The following CDX2 variants were observed in gnomAD, a reference collection of about 807,000 sequenced individuals.
CDX2 encodes the protein caudal type homeobox 2, also known as homeobox protein CDX-2.
CDX2 carries 7 observed loss-of-function variants against 25.5 expected under a neutral mutation model. That is an observed-to-expected ratio of 0.27 (90% CI 0.16 to 0.52). CDX2 has a LOEUF of 0.52. Ranked by LOEUF, CDX2 falls within the 20% of genes least tolerant of loss-of-function variation. The probability of loss-of-function intolerance (pLI) is 0.97; values close to 1 mark genes in which losing one functional copy is unlikely to be tolerated. For missense variants in CDX2, 375 were observed against 431.4 expected, an observed-to-expected ratio of 0.87 and a Z score of 1.16; for synonymous variants, 222 against 198.6, an observed-to-expected ratio of 1.12 and a Z score of -0.99.
At chr13:27,968,400 G>C in intron 1 of CDX2, 66 bp downstream of exon 1, 1 of 1,395,658 alleles carries the variant, frequency 7.2e-7, no homozygotes, top group Non-Finnish European at 9.2e-7. Flanking sequence ...CGCGCGACGC[G>C]CAGCAGCCAC....
chr13:27,965,184 G>GA (rs1449447505), intron 1 of CDX2, among the ~76,000 whole-genome samples, 169 bp from the exon 2 acceptor site: 5 of 152,138 alleles, frequency 3.3e-5, no homozygotes, highest in African/African-American at 1.2e-4. Context: ...GGGTCCTGTG[G>GA]GGGGAGGGTA....
At chr13:27,966,858 G>C (rs1456492888) in intron 1 of CDX2, among the ~76,000 whole-genome samples, 1 of 152,130 alleles carries the variant, frequency 6.6e-6, no homozygotes, top group Admixed American at 6.5e-5. Flanking sequence ...GCCAGGCCGC[G>C]TCCCCCCCTC....
At chr13:27,967,305 G>C (rs758052134) in intron 1 of CDX2, 3 of 516,110 alleles carry the variant, frequency 5.8e-6, no homozygotes, top group South Asian at 4.6e-5. Flanking sequence ...TTCCCACCAG[G>C]ACTCTCCCTA....
Position 27,968,759 on chromosome 13 carries a change from C to T in CDX2, c.248G>A (p.Gly83Glu), listed in dbSNP as rs1869481410. 1.3e-6 allele frequency: 2 copies of T among 1,503,812 alleles called. No individual in the cohort carries two copies. The highest frequency in any genetic ancestry group is 1.8e-6 in the Non-Finnish European group (2 of 1,133,632). 93.2% of individuals were successfully genotyped at this position (1,503,812 alleles called of 1,614,324 possible). Reference protein sequence around the residue: ...LREDWNGYAPGGAAAAANAVA... With the variant: ...LREDWNGYAPEGAAAAANAVA... ...GGCGTTGGCGGCGGCCGCGGCGCCT[C>T]CGGGCGCGTAGCCATTCCAGTCCTC... The change falls in exon 1 of 3, where the codon GGA (glycine) becomes GAA (glutamate). Residue 83 changes from glycine to glutamate, a missense_variant. By Grantham distance (98) the Gly-to-Glu change is moderately conservative. Transcript: ENST00000381020.
chr13:27,967,700 G>T lies in CDX2; in HGVS notation c.541+766C>A, dbSNP rs913481894. On this transcript the variant is annotated intron_variant, in intron 1 of 2. Transcript: ENST00000381020. ...TTGGGAGAAATGACCCCTACCTGGA[G>T]CGGCGGCTTAATTCCCACCAGGGTT... Among the ~76,000 whole-genome samples the T allele has an allele frequency of 2.0e-5, 3 of 152,292 alleles. No homozygotes were observed. In the East Asian group the frequency reaches 5.8e-4, roughly 29 times the overall value.
Position 27,968,678 on chromosome 13 carries a change from G to T in CDX2, c.329C>A (p.Pro110His). 6.5e-7 allele frequency: 1 copy of T among 1,534,056 alleles called. No individual in the cohort carries two copies. The highest frequency in any genetic ancestry group is 8.7e-7 in the Non-Finnish European group (1 of 1,144,866). The change falls in exon 1 of 3, where the codon CCC becomes CAC. Residue 110 changes from proline (P) to histidine (H), a missense_variant. Transcript: ENST00000381020. ...GTGGTGGTGCGGATGGTAGTCTGCGGGGCTGCTGTAGCCCATGGCTGCGGC... is the reference window on the plus strand; with the variant it reads ...GTGGTGGTGCGGATGGTAGTCTGCGTGGCTGCTGTAGCCCATGGCTGCGGC... The part of the protein sequence containing the change: ...SPAAAMGYSS[P>H]ADYHPHHHPH...
Position 27,969,077 on chromosome 13 carries a change from C to G in CDX2, c.-71G>C. ...CGACGCTGGAGGCTGCCGGGGGGCA[C>G]GAAGGGAAAGGGGCGAGGGGACTCG... On this transcript the variant is annotated 5_prime_UTR_variant, in exon 1 of 3. Coordinates refer to ENST00000381020, the MANE Select transcript of CDX2 (RefSeq NM_001265.6). The G allele has an allele frequency of 7.8e-7, 1 of 1,277,188 alleles. No homozygotes were observed. Among genetic ancestry groups the G allele is most frequent in the Non-Finnish European group, 1.1e-6 (1 of 918,540 alleles). The allele number at this position is 1,277,188 out of a possible 1,614,324, so 79.1% of individuals were successfully genotyped here.
intron 1 of CDX2, among the ~76,000 whole-genome samples, chr13:27,966,723 G>C (rs1432634397): frequency 1.3e-5 from 2 of 152,170 alleles, no homozygotes; most frequent in African/African-American, 4.8e-5. Flanking sequence ...ACCTAGGAGC[G>C]GGGCTATGGA....
Position 27,968,979 on chromosome 13 carries a change from C to T in CDX2, c.28G>A (p.Asp10Asn). Residue 10 changes from aspartate to asparagine, a missense_variant, in exon 1 of 3, where the codon GAC becomes AAC. Coordinates refer to ENST00000381020, the MANE Select transcript of CDX2 (RefSeq NM_001265.6). ...ACGGAGCTAGGGTACATGCTCACGT[C>T]CTTGTCCAGGAGGTAGCTCACGTAC... MYVSYLLDK[D>N]VSMYPSSVRH... 6.2e-7 allele frequency: 1 copy of T among 1,602,558 alleles called. No individual in the cohort carries two copies. Among genetic ancestry groups the T allele is most frequent in the Non-Finnish European group, 8.5e-7 (1 of 1,178,988 alleles).
intron 1 of CDX2, 24 bp downstream of exon 1, chr13:27,968,442 C>A: frequency 6.7e-7 from 1 of 1,492,906 alleles, no homozygotes; most frequent in Non-Finnish European, 8.8e-7. Flanking sequence ...AAGCACCCTC[C>A]GAAGGGGCGC....
In CDX2 at chr13:27,969,177, T is replaced by C; in HGVS notation, c.-171A>G. 1.8e-6 allele frequency: 1 copy of C among 558,938 alleles called. No homozygotes were observed. Among genetic ancestry groups the C allele is most frequent in the Non-Finnish European group, 3.1e-6 (1 of 320,828 alleles). The allele number at this position is 558,938 out of a possible 1,614,324, so 34.6% of individuals were successfully genotyped here. On this transcript the variant is annotated 5_prime_UTR_variant, in exon 1 of 3. Transcript: ENST00000381020. ...CGCGGCTCTTCTGCCTCCGAGGCGG[T>C]CCCTCCCTCTGGCCTGCCTCCTCCC...
chr13:27,965,768 T>C (rs931614105), intron 1 of CDX2, among the ~76,000 whole-genome samples: 75 of 152,246 alleles, frequency 4.9e-4, no homozygotes, highest in African/African-American at 1.7e-3. Flanking sequence ...CCCAGATTGA[T>C]TGTTTTACTG....
intron 1 of CDX2, chr13:27,967,416 C>A: frequency 2.0e-6 from 1 of 501,724 alleles, no homozygotes; most frequent in South Asian, 1.6e-5. Context: ...GCAAAGTGCC[C>A]ATAACCAGCG....
chr13:27,967,701 C>T (rs767618668), intron 1 of CDX2, among the ~76,000 whole-genome samples: 1 of 152,182 alleles, frequency 6.6e-6, no homozygotes, highest in Non-Finnish European at 1.5e-5. Flanking sequence ...CTACCTGGAG[C>T]GGCGGCTTAA....
At position 27,968,786 on chromosome 13, in the gene CDX2, C is replaced by T; in HGVS notation, c.221G>A (p.Arg74Gln). ...GGGCGCGTAGCCATTCCAGTCCTCC[C>T]GGAGTGGGGCGCCATACGCTGCCGG... ...SWPAAYGAPL[R>Q]EDWNGYAPGG... Residue 74 changes from arginine (R) to glutamine (Q), a missense_variant, in exon 1 of 3, where the codon CGG becomes CAG. Physicochemically the swap from Arg to Gln is conservative, Grantham distance 43. Transcript: ENST00000381020. The T allele has an allele frequency of 2.0e-6, 3 of 1,519,560 alleles. No individual in the cohort carries two copies. The highest frequency in any genetic ancestry group is 2.6e-6 in the Non-Finnish European group (3 of 1,137,606). The allele number at this position is 1,519,560 out of a possible 1,614,324, so 94.1% of individuals were successfully genotyped here. A position where few individuals can be genotyped will look rare whatever the true frequency, so the allele number is the denominator to read the frequency against.
chr13:27,961,697 T>A lies in CDX2; in HGVS notation c.*1418A>T, dbSNP rs553278211. ...CTTGGGAAACTAGGGGGATTTTTTT[T>A]AAAAAAAATTTAATGCTCACGTTTA... On this transcript the variant is annotated 3_prime_UTR_variant, in exon 3 of 3. Coordinates refer to ENST00000381020, the MANE Select transcript of CDX2 (RefSeq NM_001265.6). Among the ~76,000 whole-genome samples the A allele has an allele frequency of 1.1e-3, 169 of 151,848 alleles. 2 individuals carry two copies. The highest frequency in any genetic ancestry group is 3.4e-3 in the Middle Eastern group (1 of 292).
chr13:27,965,931 G>A (rs1265444565), intron 1 of CDX2, among the ~76,000 whole-genome samples: 1 of 152,204 alleles, frequency 6.6e-6, no homozygotes, highest in Non-Finnish European at 1.5e-5. Flanking sequence ...CAGCTGAACA[G>A]GTTCAATCGC....
In CDX2 at chr13:27,961,633, C is replaced by T. The variant is rs1180276179; in HGVS notation, c.*1482G>A. 6.6e-6 allele frequency among the ~76,000 whole-genome samples: 1 copy of T among 152,018 alleles called. No homozygotes were observed. Among genetic ancestry groups the T allele is most frequent in the African/African-American group, 2.4e-5 (1 of 41,390 alleles). ...AGGCAGAAAGGGCTCACGGAAATGC[C>T]CAGTGATTTACAGAAGACTAAATTC... is the stretch of plus-strand genomic sequence containing the variant. On this transcript the variant is annotated 3_prime_UTR_variant, in exon 3 of 3. Coordinates refer to ENST00000381020, the MANE Select transcript of CDX2 (RefSeq NM_001265.6).
At chr13:27,965,176 G>A (rs551961201) in intron 1 of CDX2, among the ~76,000 whole-genome samples, 161 bp from the exon 2 acceptor site, 1 of 150,490 alleles carries the variant, frequency 6.6e-6, no homozygotes, top group African/African-American at 2.5e-5. Flanking sequence ...CCCCCAGAGG[G>A]TCCTGTGGGG....
Sources: allele counts gnomAD v4.1 joint callset (sites outside exome capture counted in the v4.1 genomes callset), GRCh38; gene constraint gnomAD v4.1.1; transcripts MANE v1.5; gene names NCBI Gene and HGNC (gene_info 2026-07-23, HGNC 2026-07-21).